The following SND1 variants were observed in gnomAD, a reference collection of about 807,000 sequenced individuals.
SND1 encodes the protein staphylococcal nuclease domain-containing protein 1.
SND1 carries 38 observed loss-of-function variants against 121.7 expected under a neutral mutation model. That is an observed-to-expected ratio of 0.31 (90% CI 0.24 to 0.41). The LOEUF is 0.41. Among genes scored for constraint, SND1 ranks in the 10% least tolerant of loss-of-function variants. The pLI is 1.00. For missense variants in SND1, 868 were observed against 1,184.6 expected (o/e 0.73, Z 3.92); for synonymous variants, 401 against 447.4 (o/e 0.90, Z 1.31).
intron 1 of SND1, among the ~76,000 whole-genome samples, chr7:127,655,977 A>C (rs963774594): frequency 1.3e-5 from 2 of 152,184 alleles, no homozygotes; most frequent in Non-Finnish European, 2.9e-5. Context: ...GGGAGGACGG[A>C]CAGTGCCAAA....
chr7:128,008,482 AG>A (rs1304076993), intron 16 of SND1, among the ~76,000 whole-genome samples: 1 of 97,060 alleles, frequency 1.0e-5, no homozygotes, highest in Non-Finnish European at 2.2e-5. Context: ...TTTTTTTTGG[AG>A]GGGGGTTGCA....
At chr7:128,044,977 T>G (rs538259812) in intron 16 of SND1, among the ~76,000 whole-genome samples, 1 of 152,310 alleles carries the variant, frequency 6.6e-6, no homozygotes, top group East Asian at 1.9e-4. Flanking sequence ...TAGCACAGAT[T>G]ACAGGGTCTG....
intron 15 of SND1, among the ~76,000 whole-genome samples, chr7:127,933,022 CT>C (rs1800986179): frequency 6.6e-6 from 1 of 152,114 alleles, no homozygotes; most frequent in Non-Finnish European, 1.5e-5. Context: ...GAAAAGCATC[CT>C]TTTGGCAATG....
chr7:127,727,170 A>C (rs1200130167), intron 10 of SND1, among the ~76,000 whole-genome samples: 1 of 152,216 alleles, frequency 6.6e-6, no homozygotes, highest in Non-Finnish European at 1.5e-5. Context: ...TAAAGCTGCC[A>C]TATGCTGAAG....
intron 16 of SND1, among the ~76,000 whole-genome samples, chr7:128,032,806 C>T (rs970512371): frequency 1.2e-4 from 19 of 152,140 alleles, no homozygotes; most frequent in African/African-American, 3.9e-4. Context: ...CTTCGCTTTG[C>T]CTCACCCCTC....
At chr7:127,673,824 G>T (rs954237687) in intron 1 of SND1, among the ~76,000 whole-genome samples, 3 of 152,064 alleles carry the variant, frequency 2.0e-5, no homozygotes, top group Admixed American at 2.0e-4. Flanking sequence ...TTGTAAGCTG[G>T]TTCTTATGTC....
intron 15 of SND1, among the ~76,000 whole-genome samples, chr7:127,979,376 G>C (rs572910165): frequency 6.6e-6 from 1 of 152,336 alleles, no homozygotes; most frequent in South Asian, 2.1e-4. Context: ...GGAAGGGGCA[G>C]GTAGCCCCTA....
intron 14 of SND1, among the ~76,000 whole-genome samples, chr7:127,921,042 A>G (rs1800695905): frequency 6.6e-6 from 1 of 152,232 alleles, no homozygotes; most frequent in South Asian, 2.1e-4. Flanking sequence ...CAGTAAGAGA[A>G]CAATCTCTGA....
chr7:127,730,774 G>A (rs954510551), intron 10 of SND1, among the ~76,000 whole-genome samples: 12 of 152,200 alleles, frequency 7.9e-5, no homozygotes, highest in Non-Finnish European at 1.8e-4. Flanking sequence ...GTGTTAGATA[G>A]TGTCTCATTG....
intron 10 of SND1, among the ~76,000 whole-genome samples, chr7:127,738,399 C>T (rs764649084): frequency 4.0e-5 from 6 of 151,544 alleles, no homozygotes; most frequent in Non-Finnish European, 8.8e-5. Context: ...TTGCCTCAGC[C>T]TCCTAAGTAA....
intron 9 of SND1, among the ~76,000 whole-genome samples, chr7:127,714,901 G>T (rs908146517): frequency 2.0e-5 from 3 of 152,134 alleles, no homozygotes; most frequent in African/African-American, 7.2e-5. Flanking sequence ...TGTGTCCATG[G>T]GGACACACTT....
At chr7:127,790,567 A>T (rs1304445359) in intron 10 of SND1, among the ~76,000 whole-genome samples, 1 of 152,138 alleles carries the variant, frequency 6.6e-6, no homozygotes. Context: ...CTTTTTCTTC[A>T]TAAGTAAAAA....
intron 1 of SND1, among the ~76,000 whole-genome samples, chr7:127,661,306 A>T (rs1795306580): frequency 6.6e-6 from 1 of 152,188 alleles, no homozygotes; most frequent in South Asian, 2.1e-4. Flanking sequence ...TGCTCATTTT[A>T]ACACTCATCT....
intron 4 of SND1, among the ~76,000 whole-genome samples, chr7:127,699,177 A>T (rs936493185): frequency 2.6e-5 from 4 of 152,190 alleles, no homozygotes; most frequent in Admixed American, 2.6e-4. Context: ...AGGCAATTCT[A>T]TTCTTCATAT....
At chr7:127,849,037 T>G (rs142756556) in intron 12 of SND1, among the ~76,000 whole-genome samples, 32 of 152,318 alleles carry the variant, frequency 2.1e-4, no homozygotes, top group African/African-American at 7.2e-4. Flanking sequence ...TTGTTATCTG[T>G]TAATCAAAAC....
At chr7:127,925,891 G>A (rs188453332) in intron 14 of SND1, among the ~76,000 whole-genome samples, 4 of 151,528 alleles carry the variant, frequency 2.6e-5, no homozygotes, top group South Asian at 2.1e-4. Flanking sequence ...CATCGCGCCC[G>A]GCCAGGTCTT....
chr7:128,063,419 G>A (rs902914210), intron 16 of SND1, among the ~76,000 whole-genome samples: 5 of 152,122 alleles, frequency 3.3e-5, no homozygotes, highest in Non-Finnish European at 7.4e-5. Flanking sequence ...TGCCCCTCTG[G>A]GTCCCACAAG....
chr7:127,725,462 G>A (rs1796566233), intron 10 of SND1, among the ~76,000 whole-genome samples: 1 of 152,158 alleles, frequency 6.6e-6, no homozygotes. Context: ...GCACAGCATG[G>A]GTAAAAATAT....
chr7:128,050,254 C>T (rs1793023375), intron 16 of SND1, among the ~76,000 whole-genome samples: 2 of 152,228 alleles, frequency 1.3e-5, no homozygotes, highest in African/African-American at 4.8e-5. Context: ...GCAAAAGTCA[C>T]TGTTTTCTGG....
Sources: allele counts gnomAD v4.1 joint callset (sites outside exome capture counted in the v4.1 genomes callset), GRCh38; gene constraint gnomAD v4.1.1; transcripts MANE v1.5; gene names NCBI Gene and HGNC (gene_info 2026-07-23, HGNC 2026-07-21).